CACNA1A: variants seen among roughly 807,000 people sequenced by gnomAD.
CACNA1A encodes voltage-dependent P/Q-type calcium channel subunit alpha-1A.
Under a neutral mutation model 262.4 loss-of-function variants are expected in CACNA1A, and 57 were observed. That is an observed-to-expected ratio of 0.22 (90% CI 0.18 to 0.27). The LOEUF (loss-of-function observed/expected upper bound fraction) is 0.27. Among genes scored for constraint, CACNA1A ranks in the 10% least tolerant of loss-of-function variants. CACNA1A has a pLI of 1.00. For synonymous variants in CACNA1A, 1,431 were observed against 1,419.3 expected (o/e 1.01, Z -0.18); for missense variants, 2,526 against 3,562.8 (o/e 0.71, Z 7.41).
At chr19:13,413,233 A>G (rs1227061741) in intron 3 of CACNA1A, among the ~76,000 whole-genome samples, 1 of 151,550 alleles carries the variant, frequency 6.6e-6, no homozygotes, top group Non-Finnish European at 1.5e-5. Flanking sequence ...CAGCCTCCCG[A>G]GTAGCTGGGA....
rs1167010386 is a variant in CACNA1A at position 13,241,964 on chromosome 19, G to A, written c.4950+3218C>T. ...AAACCCCAGGGACCTGCCCGCCCAA[G>A]CATCTGGCATTTCCTGTCTCAGCCT... is the stretch of plus-strand genomic sequence containing the variant. On this transcript the variant is annotated intron_variant, in intron 31 of 46. Transcript: ENST00000360228. The surrounding 1 kb of genome is among the most constrained non-coding windows in gnomAD (Gnocchi z 4.0). 6.6e-6 allele frequency among the ~76,000 whole-genome samples: 1 copy of A among 152,098 alleles called. No individual in the cohort carries two copies. The highest frequency in any genetic ancestry group is 1.5e-5 in the Non-Finnish European group (1 of 68,008).
intron 1 of CACNA1A, among the ~76,000 whole-genome samples, chr19:13,460,786 CA>C (rs2061107284): frequency 6.6e-6 from 1 of 152,146 alleles, no homozygotes; most frequent in Non-Finnish European, 1.5e-5. Context: ...CCCAGACATC[CA>C]CATGACTCCC....
At chr19:13,419,898 C>A (rs1599415018) in intron 3 of CACNA1A, among the ~76,000 whole-genome samples, 1 of 151,398 alleles carries the variant, frequency 6.6e-6, no homozygotes, top group African/African-American at 2.4e-5. Context: ...CCAGCCTGGC[C>A]AACATGGTGA....
chr19:13,339,752 T>G (rs1001270537), intron 6 of CACNA1A, among the ~76,000 whole-genome samples: 1 of 151,394 alleles, frequency 6.6e-6, no homozygotes, highest in Non-Finnish European at 1.5e-5. Flanking sequence ...AAATTTTATG[T>G]CATGTGTGTT....
At chr19:13,467,590 C>T (rs1368496224) in intron 1 of CACNA1A, among the ~76,000 whole-genome samples, 1 of 150,382 alleles carries the variant, frequency 6.6e-6, no homozygotes, top group East Asian at 2.0e-4. Context: ...AGGGGATGCA[C>T]ACTGACTTTT....
chr19:13,449,969 C>T (rs12608756), intron 3 of CACNA1A, among the ~76,000 whole-genome samples: 37,798 of 151,424 alleles, frequency 0.25, 5,361 homozygotes, highest in African/African-American at 0.38. Context: ...GGCGTAAACC[C>T]GTCTCTACTA....
chr19:13,358,865 T>C (rs930056676), intron 6 of CACNA1A, among the ~76,000 whole-genome samples: 2 of 152,228 alleles, frequency 1.3e-5, no homozygotes, highest in African/African-American at 4.8e-5. Context: ...TCCGGATATC[T>C]GCACTGGGTC....
intron 10 of CACNA1A, 41 bp downstream of exon 10, chr19:13,330,203 A>T: frequency 7.1e-7 from 1 of 1,399,718 alleles, no homozygotes; most frequent in Non-Finnish European, 9.9e-7. Context: ...CTTGGGCGAT[A>T]GGTGATGAAC....
At chr19:13,474,142 C>T (rs973541213) in intron 1 of CACNA1A, among the ~76,000 whole-genome samples, 1 of 152,204 alleles carries the variant, frequency 6.6e-6, no homozygotes, top group African/African-American at 2.4e-5. Flanking sequence ...GTCCCAGGAG[C>T]TTAATCAATA....
At chr19:13,440,523 T>C (rs1304782553) in intron 3 of CACNA1A, among the ~76,000 whole-genome samples, 1 of 152,232 alleles carries the variant, frequency 6.6e-6, no homozygotes, top group African/African-American at 2.4e-5. Context: ...ATTATAATGA[T>C]AGTTATTAGT....
At chr19:13,293,210 A>G (rs1183806243) in intron 19 of CACNA1A, among the ~76,000 whole-genome samples, 1 of 152,062 alleles carries the variant, frequency 6.6e-6, no homozygotes, top group Non-Finnish European at 1.5e-5. Context: ...GTACTTAATA[A>G]TATTCATATT....
intron 3 of CACNA1A, among the ~76,000 whole-genome samples, chr19:13,431,835 G>A (rs1048479717): frequency 1.4e-4 from 22 of 152,044 alleles, no homozygotes; most frequent in African/African-American, 3.4e-4. Context: ...ATTTGAGGCC[G>A]GGCGTGGTGG....
At chr19:13,262,701 C>G in intron 25 of CACNA1A, 33 bp downstream of exon 25, 1 of 1,358,158 alleles carries the variant, frequency 7.4e-7, no homozygotes, top group Non-Finnish European at 1.0e-6. Context: ...CTGACAGTCC[C>G]CCCCACCGCA....
At chr19:13,208,189 A>AGGAGGGGGAGGG (rs2054645908) in intron 46 of CACNA1A, 136 bp from the exon 47 acceptor site, 1 of 77,108 alleles carries the variant, frequency 1.3e-5, no homozygotes. Flanking sequence ...GGGGAGGAGG[A>AGGAGGGGGAGGG]GGAGGAGGAG....
chr19:13,372,616 T>C (rs1167106030), intron 3 of CACNA1A, among the ~76,000 whole-genome samples: 1 of 152,006 alleles, frequency 6.6e-6, no homozygotes, highest in African/African-American at 2.4e-5. Flanking sequence ...AGTTTCCCCC[T>C]TTTGTATAAC....
intron 34 of CACNA1A, among the ~76,000 whole-genome samples, chr19:13,232,429 T>C (rs982091509): frequency 6.6e-6 from 1 of 152,028 alleles, no homozygotes. Context: ...GTCACTGTTA[T>C]GCTTTAAAAG....
chr19:13,499,665 T>G (rs917624551), intron 1 of CACNA1A, among the ~76,000 whole-genome samples: 10 of 152,066 alleles, frequency 6.6e-5, no homozygotes, highest in African/African-American at 2.2e-4. Context: ...AGAAGGAATA[T>G]CCTCATCATG....
At chr19:13,361,480 C>T (rs771264544) in intron 5 of CACNA1A, among the ~76,000 whole-genome samples, 2 of 152,148 alleles carry the variant, frequency 1.3e-5, no homozygotes, top group South Asian at 2.1e-4. Context: ...CAAAGACGAC[C>T]GTGGCATTGT....
At chr19:13,434,198 C>T (rs898246259) in intron 3 of CACNA1A, among the ~76,000 whole-genome samples, 1 of 152,082 alleles carries the variant, frequency 6.6e-6, no homozygotes, top group African/African-American at 2.4e-5. Flanking sequence ...GCCCTGTCAC[C>T]CAGGGTGCAG....
Sources: allele counts gnomAD v4.1 joint callset (sites outside exome capture counted in the v4.1 genomes callset), GRCh38; gene constraint gnomAD v4.1.1; non-coding constraint Gnocchi (gnomAD v3.1); transcripts MANE v1.5; gene names NCBI Gene and HGNC (gene_info 2026-07-23, HGNC 2026-07-21).